Variants in DCC observed in about 807,000 individuals in gnomAD.
DCC encodes the protein DCC netrin 1 receptor, also known as netrin receptor DCC.
DCC carries 58 observed loss-of-function variants against 172.5 expected under a neutral mutation model. That is an observed-to-expected ratio of 0.34 (90% confidence interval 0.27 to 0.42). The LOEUF (loss-of-function observed/expected upper bound fraction) is 0.42. DCC is among the 10% of genes least tolerant of loss of function. The pLI is 1.00. For synonymous variants in DCC, 709 were observed against 644.5 expected (o/e 1.10, Z -1.52); for missense variants, 1,740 against 1,791.0 (o/e 0.97, Z 0.51).
At chr18:52,799,353 C>A (rs766995608) in intron 2 of DCC, among the ~76,000 whole-genome samples, 2 of 152,062 alleles carry the variant, frequency 1.3e-5, no homozygotes, top group Non-Finnish European at 2.9e-5. Context: ...AAATAAACTT[C>A]ATCAAAGGTA....
intron 2 of DCC, among the ~76,000 whole-genome samples, chr18:52,901,278 C>G (rs1568176506): frequency 6.6e-6 from 1 of 151,806 alleles, no homozygotes; most frequent in Non-Finnish European, 1.5e-5. Flanking sequence ...ACTGAAAATA[C>G]AAAAATTAGC....
At chr18:52,819,957 T>C (rs1030196881) in intron 2 of DCC, among the ~76,000 whole-genome samples, 5 of 152,122 alleles carry the variant, frequency 3.3e-5, no homozygotes, top group African/African-American at 1.2e-4. Context: ...CCTGACCTCG[T>C]GATCCACCTG....
intron 1 of DCC, among the ~76,000 whole-genome samples, chr18:52,676,642 A>T (rs1232042009): frequency 6.6e-6 from 1 of 152,230 alleles, no homozygotes; most frequent in Non-Finnish European, 1.5e-5. Context: ...GAGAGGTCAT[A>T]GTTCCCAGTG....
At chr18:53,047,368 TA>T (rs2042262860) in intron 5 of DCC, among the ~76,000 whole-genome samples, 1 of 117,144 alleles carries the variant, frequency 8.5e-6, no homozygotes, top group Non-Finnish European at 1.7e-5. Context: ...ATACATAAAA[TA>T]ATATATACTT....
At chr18:53,262,276 C>T (rs16956434) in intron 12 of DCC, among the ~76,000 whole-genome samples, 8,446 of 152,214 alleles carry the variant, frequency 0.055, 822 homozygotes, top group African/African-American at 0.19. Context: ...CATTTTTCCT[C>T]GTAGCCTAAA....
Position 53,510,936 on chromosome 18 carries a change from C to T in DCC, c.4111+11426C>T, listed in dbSNP as rs115543664. Reference sequence around the variant, plus strand: ...TGTTTCACTCAGCTTTCTATCAAAGCCTACCTTGTAGAATTTTTTATTTTT... The same window carrying T: ...TGTTTCACTCAGCTTTCTATCAAAGTCTACCTTGTAGAATTTTTTATTTTT... On this transcript the variant is annotated intron_variant, in intron 27 of 28. Coordinates refer to ENST00000442544, the MANE Select transcript of DCC (RefSeq NM_005215.4). Among the ~76,000 whole-genome samples the T allele has an allele frequency of 5.4e-3, 829 of 152,278 alleles. 10 individuals are homozygous for T. The highest frequency in any genetic ancestry group is 0.019 in the African/African-American group (800 of 41,540).
At chr18:52,711,510 C>T (rs921108725) in intron 1 of DCC, among the ~76,000 whole-genome samples, 13 of 152,200 alleles carry the variant, frequency 8.5e-5, no homozygotes, top group Admixed American at 1.3e-4. Flanking sequence ...GAATTCATTA[C>T]AAATCTATCA....
chr18:52,415,113 G>A (rs1235292176), intron 1 of DCC, among the ~76,000 whole-genome samples: 7 of 152,188 alleles, frequency 4.6e-5, no homozygotes, highest in East Asian at 3.9e-4. Context: ...TCATTGTACA[G>A]ATTTAAAAAT....
chr18:52,779,203 A>G (rs9967152), intron 2 of DCC, among the ~76,000 whole-genome samples: 8,035 of 152,210 alleles, frequency 0.053, 289 homozygotes, highest in South Asian at 0.16. Context: ...TGTGCAGAAC[A>G]TGCAGGTTTG....
intron 1 of DCC, among the ~76,000 whole-genome samples, chr18:52,394,961 G>A (rs760842634): frequency 4.6e-5 from 7 of 151,954 alleles, no homozygotes; most frequent in Admixed American, 2.0e-4. Context: ...ACTATTTCCC[G>A]TTCCAAGTCC....
intron 1 of DCC, among the ~76,000 whole-genome samples, chr18:52,581,187 T>TTATC (rs74178674): frequency 5.5e-5 from 8 of 146,554 alleles, no homozygotes; most frequent in South Asian, 4.4e-4. Flanking sequence ...TCTATATATC[T>TTATC]TATCTATCTA....
chr18:52,658,025 C>G (rs1000034450), intron 1 of DCC, among the ~76,000 whole-genome samples: 3 of 152,086 alleles, frequency 2.0e-5, no homozygotes, highest in Non-Finnish European at 4.4e-5. Flanking sequence ...TAATTAAGAG[C>G]CAGACCTAGA....
intron 17 of DCC, among the ~76,000 whole-genome samples, chr18:53,393,829 A>G (rs1939520277): frequency 6.6e-6 from 1 of 151,850 alleles, no homozygotes; most frequent in Admixed American, 6.6e-5. Flanking sequence ...ACTCAGCCCA[A>G]AAAGATTTTA....
At chr18:52,404,163 C>G (rs540631510) in intron 1 of DCC, among the ~76,000 whole-genome samples, 1 of 152,104 alleles carries the variant, frequency 6.6e-6, no homozygotes, top group East Asian at 1.9e-4. Context: ...ATGGTGTCAG[C>G]TCATTATTAA....
intron 7 of DCC, among the ~76,000 whole-genome samples, chr18:53,127,151 T>TC (rs2043571533): frequency 7.1e-6 from 1 of 140,788 alleles, no homozygotes; most frequent in Non-Finnish European, 1.5e-5. Flanking sequence ...TTTTTTTTTT[T>TC]CATTTAAATT....
chr18:53,118,692 A>G (rs2043441168), intron 7 of DCC, among the ~76,000 whole-genome samples: 1 of 151,792 alleles, frequency 6.6e-6, no homozygotes, highest in South Asian at 2.1e-4. Context: ...CACTTTAAAT[A>G]CATTATTACA....
intron 22 of DCC, among the ~76,000 whole-genome samples, chr18:53,437,221 T>C (rs542245274): frequency 1.1e-4 from 17 of 152,282 alleles, no homozygotes; most frequent in African/African-American, 4.1e-4. Context: ...GGTATTTGAC[T>C]TTCAGACACT....
At chr18:53,350,656 T>TGG (rs962903999) in intron 15 of DCC, among the ~76,000 whole-genome samples, 6 of 152,038 alleles carry the variant, frequency 3.9e-5, no homozygotes, top group African/African-American at 1.4e-4. Context: ...AAAAGATGCT[T>TGG]TTAGTCCCTG....
chr18:52,825,929 A>T (rs2145283314), intron 2 of DCC, among the ~76,000 whole-genome samples: 1 of 152,268 alleles, frequency 6.6e-6, no homozygotes, highest in African/African-American at 2.4e-5. Context: ...TTTTCTCCTG[A>T]GGGGGGGAAA....
Sources: gnomAD v4.1 joint callset for allele counts (sites outside exome capture counted in the v4.1 genomes callset) on GRCh38, gnomAD v4.1.1 for gene constraint, MANE v1.5 for transcripts, NCBI Gene and HGNC (gene_info 2026-07-23, HGNC 2026-07-21) for gene names.